FUT9: variants seen among roughly 807,000 people sequenced by gnomAD.
The protein encoded by FUT9 is fucosyltransferase 9, also known as 4-galactosyl-N-acetylglucosaminide 3-alpha-L-fucosyltransferase 9.
Under a neutral mutation model 29.7 loss-of-function variants are expected in FUT9, and 15 were observed. The ratio of observed to expected loss-of-function variants is 0.51; its 90% CI spans 0.34 to 0.78. The LOEUF (loss-of-function observed/expected upper bound fraction) is 0.78. Ranked by LOEUF, FUT9 falls within the 30% of genes least tolerant of loss-of-function variation. The pLI, the probability that FUT9 is intolerant of heterozygous loss-of-function variation, is 0.01. For missense variants in FUT9, 319 were observed against 425.4 expected (o/e 0.75, Z 2.20); for synonymous variants, 169 against 153.7 (o/e 1.10, Z -0.74).
At position 96,205,162 on chromosome 6, in the gene FUT9, T is replaced by A. The variant is rs4270796; in HGVS notation, c.*927T>A. 1.2e-5 allele frequency: 2 copies of A among 166,846 alleles called. No homozygotes were observed. The highest frequency in any genetic ancestry group is 3.9e-4 in the East Asian group (2 of 5,188). The allele number at this position is 166,846 out of a possible 1,614,324, so 10.3% of individuals were successfully genotyped here. ...TCTGAAGCCCTAATATTTAAAATGG[T>A]CTTATTTTACCATATGGATATAAGA... On this transcript the variant is annotated 3_prime_UTR_variant, in exon 3 of 3. Transcript: ENST00000302103.
chr6:96,164,609 A>C (rs1772979877), intron 2 of FUT9, among the ~76,000 whole-genome samples: 5 of 152,156 alleles, frequency 3.3e-5, no homozygotes, highest in Non-Finnish European at 7.3e-5. Flanking sequence ...AGACCTGAAG[A>C]GTCTGCTCTG....
At chr6:96,161,348 G>A (rs568630018) in intron 2 of FUT9, among the ~76,000 whole-genome samples, 70 of 152,242 alleles carry the variant, frequency 4.6e-4, no homozygotes, top group African/African-American at 1.7e-3. Context: ...TTGAGGAACA[G>A]GCGCTCCTCA....
chr6:96,044,187 A>T (rs1353328747), intron 1 of FUT9, among the ~76,000 whole-genome samples: 3 of 152,218 alleles, frequency 2.0e-5, no homozygotes, highest in African/African-American at 7.2e-5. Context: ...GAAAGCCTTT[A>T]TTCTGGGTGA....
intron 2 of FUT9, 24 bp from the exon 3 acceptor site, chr6:96,203,124 C>T: frequency 6.5e-7 from 1 of 1,544,588 alleles, no homozygotes; most frequent in Non-Finnish European, 8.8e-7. Flanking sequence ...GCTACCTCCC[C>T]TTCTGTCTTT....
intron 2 of FUT9, among the ~76,000 whole-genome samples, chr6:96,128,917 G>A (rs981667783): frequency 6.6e-6 from 1 of 151,904 alleles, no homozygotes; most frequent in Non-Finnish European, 1.5e-5. Flanking sequence ...TTGAGCCCAG[G>A]AGTTCAAGAT....
intron 1 of FUT9, among the ~76,000 whole-genome samples, chr6:96,092,426 A>G (rs916634345): frequency 4.6e-5 from 7 of 152,214 alleles, no homozygotes; most frequent in African/African-American, 1.7e-4. Flanking sequence ...TATTCCCTAA[A>G]TAAAATATTA....
intron 1 of FUT9, among the ~76,000 whole-genome samples, chr6:96,101,955 G>C (rs569781036): frequency 6.6e-6 from 1 of 151,728 alleles, no homozygotes; most frequent in Non-Finnish European, 1.5e-5. Flanking sequence ...TATATATGAA[G>C]ATATATTTAA....
intron 2 of FUT9, among the ~76,000 whole-genome samples, chr6:96,124,874 G>T (rs1206110429): frequency 6.6e-6 from 1 of 151,966 alleles, no homozygotes; most frequent in Non-Finnish European, 1.5e-5. Context: ...AGTGACATTC[G>T]TCCTGGTTAA....
chr6:96,166,995 A>G (rs923552257), intron 2 of FUT9, among the ~76,000 whole-genome samples: 2 of 152,100 alleles, frequency 1.3e-5, no homozygotes, highest in African/African-American at 2.4e-5. Context: ...TTCTCAATCC[A>G]CTGTCAGTTG....
chr6:96,115,550 T>A (rs971091989), intron 2 of FUT9, among the ~76,000 whole-genome samples: 1 of 152,212 alleles, frequency 6.6e-6, no homozygotes, highest in Non-Finnish European at 1.5e-5. Flanking sequence ...TAAATTTAAA[T>A]TGATAATCAT....
chr6:96,132,498 G>A (rs1772265693), intron 2 of FUT9, among the ~76,000 whole-genome samples: 1 of 152,050 alleles, frequency 6.6e-6, no homozygotes, highest in Admixed American at 6.6e-5. Flanking sequence ...TAATTAGACT[G>A]TAGTAAGTAC....
At chr6:96,145,942 A>T (rs1019692463) in intron 2 of FUT9, among the ~76,000 whole-genome samples, 17 of 55,430 alleles carry the variant, frequency 3.1e-4, no homozygotes, top group African/African-American at 6.9e-4. Flanking sequence ...TGCAGCCTCA[A>T]CCTCCCAGGT....
At chr6:96,074,156 A>G (rs990700539) in intron 1 of FUT9, among the ~76,000 whole-genome samples, 5 of 152,258 alleles carry the variant, frequency 3.3e-5, no homozygotes, top group Admixed American at 2.6e-4. Context: ...TAAAATTTGT[A>G]CTGCACCAAA....
chr6:96,096,466 C>T (rs963612237), intron 1 of FUT9, among the ~76,000 whole-genome samples: 1 of 152,114 alleles, frequency 6.6e-6, no homozygotes, highest in Admixed American at 6.6e-5. Flanking sequence ...TTTTACCTCA[C>T]TGATTAAAAT....
intron 1 of FUT9, among the ~76,000 whole-genome samples, chr6:96,074,581 A>T (rs1771113120): frequency 6.6e-6 from 1 of 152,134 alleles, no homozygotes; most frequent in Admixed American, 6.6e-5. Context: ...TTCCTAAAGA[A>T]TATTTTGGAG....
Position 96,211,727 on chromosome 6 carries a change from A to C in FUT9, c.*7492A>C. On this transcript the variant is annotated 3_prime_UTR_variant, in exon 3 of 3. Transcript: ENST00000302103. ...AAAGCTGTACTATGTTAGAATAAAAAAGTAGGCTCAAGGAAAATTTCTATT... is the reference window on the plus strand; with the variant it reads ...AAAGCTGTACTATGTTAGAATAAAACAGTAGGCTCAAGGAAAATTTCTATT... 5.7e-6 allele frequency: 1 copy of C among 176,550 alleles called. No homozygotes were observed. Among genetic ancestry groups the C allele is most frequent in the East Asian group, 1.7e-4 (1 of 5,818 alleles). 10.9% of individuals were successfully genotyped at this position (176,550 alleles called of 1,614,324 possible).
At chr6:96,108,605 C>T (rs9399757) in intron 1 of FUT9, among the ~76,000 whole-genome samples, 25,985 of 152,054 alleles carry the variant, frequency 0.17, 2,433 homozygotes, top group Non-Finnish European at 0.19. Flanking sequence ...ACCTTCACTG[C>T]CTTGTGCATG....
At chr6:96,017,327 G>A (rs1316486122) in intron 1 of FUT9, among the ~76,000 whole-genome samples, 5 of 152,170 alleles carry the variant, frequency 3.3e-5, no homozygotes, top group Non-Finnish European at 5.9e-5. Flanking sequence ...TAGTATCTTA[G>A]CACCAGACGG....
At chr6:96,028,786 A>C (rs944469612) in intron 1 of FUT9, among the ~76,000 whole-genome samples, 1 of 151,682 alleles carries the variant, frequency 6.6e-6, no homozygotes, top group African/African-American at 2.4e-5. Context: ...GAAGAAGCAT[A>C]TAATGAGCAC....
Sources: allele counts gnomAD v4.1 joint callset (sites outside exome capture counted in the v4.1 genomes callset), GRCh38; gene constraint gnomAD v4.1.1; transcripts MANE v1.5; gene names NCBI Gene and HGNC (gene_info 2026-07-23, HGNC 2026-07-21).